SLC36A1: variants seen among roughly 807,000 people sequenced by gnomAD.
The protein encoded by SLC36A1 is solute carrier family 36 member 1.
SLC36A1 carries 30 observed loss-of-function variants against 47.5 expected under a neutral mutation model. That is an observed-to-expected ratio of 0.63 (90% CI 0.47 to 0.86). The LOEUF (loss-of-function observed/expected upper bound fraction) is 0.86, where lower values mean the gene tolerates loss of function less well. Ranked by LOEUF, SLC36A1 falls within the 40% of genes least tolerant of loss-of-function variation. The probability of loss-of-function intolerance (pLI) is 0.00; values close to 1 mark genes in which losing one functional copy is unlikely to be tolerated. For missense variants in SLC36A1, 517 were observed against 606.0 expected (o/e 0.85, Z 1.54); for synonymous variants, 255 against 249.7 (o/e 1.02, Z -0.20).
the SLC36A1 span, among the ~76,000 whole-genome samples, chr5:151,425,550 A>G: frequency 6.6e-6 from 1 of 152,174 alleles, no homozygotes; most frequent in African/African-American, 2.4e-5. Context: ...CAATGGATGG[A>G]TGGATGGGTA....
the SLC36A1 span, among the ~76,000 whole-genome samples, chr5:151,424,988 A>T: frequency 6.6e-6 from 1 of 152,212 alleles, no homozygotes; most frequent in Non-Finnish European, 1.5e-5. Context: ...TGTATAAAGG[A>T]TACCTCAACA....
the SLC36A1 span, among the ~76,000 whole-genome samples, chr5:151,508,445 C>A: frequency 2.0e-5 from 3 of 152,178 alleles, no homozygotes; most frequent in Non-Finnish European, 4.4e-5. Context: ...CGCAGTGGCT[C>A]ATGCCTGTAA....
the SLC36A1 span, among the ~76,000 whole-genome samples, chr5:151,533,671 C>G: frequency 2.0e-5 from 3 of 151,232 alleles, no homozygotes; most frequent in Non-Finnish European, 4.4e-5. Context: ...TTTTTTTTAC[C>G]CTATCTGAAT....
intron 1 of SLC36A1, among the ~76,000 whole-genome samples, chr5:151,457,060 G>T (rs146073104): frequency 6.6e-6 from 1 of 152,110 alleles, no homozygotes. Flanking sequence ...GCCAAGTGTC[G>T]GGAGGATTTT....
chr5:151,462,390 A>T (rs557634418), intron 2 of SLC36A1, among the ~76,000 whole-genome samples: 1 of 150,918 alleles, frequency 6.6e-6, no homozygotes, highest in African/African-American at 2.4e-5. Flanking sequence ...TTTTTGAGAC[A>T]GTCTTGCTCT....
At chr5:151,410,945 A>C in the SLC36A1 span, among the ~76,000 whole-genome samples, 2 of 144,584 alleles carry the variant, frequency 1.4e-5, no homozygotes, top group African/African-American at 5.0e-5. Flanking sequence ...GCAATTGCCA[A>C]ATGTCCACTG....
At chr5:151,521,872 A>G in the SLC36A1 span, 1 of 1,614,008 alleles carries the variant, frequency 6.2e-7, no homozygotes, top group South Asian at 1.1e-5. Context: ...GTGCCTGCCC[A>G]GGGTCTCCTC....
chr5:151,399,085 T>TATATATATATATATATATATA, the SLC36A1 span, among the ~76,000 whole-genome samples: 2 of 59,594 alleles, frequency 3.4e-5, no homozygotes, highest in African/African-American at 8.2e-5. Flanking sequence ...TATATATATA[T>TATATATATATATATATATATA]TTTTTTTTTT....
the SLC36A1 span, chr5:151,551,452 G>C: frequency 6.2e-7 from 1 of 1,613,284 alleles, no homozygotes; most frequent in Admixed American, 1.7e-5. Flanking sequence ...GGGGTCCCCA[G>C]CCGAGGCCTC....
At chr5:151,547,886 T>A in the SLC36A1 span, among the ~76,000 whole-genome samples, 11 of 152,190 alleles carry the variant, frequency 7.2e-5, no homozygotes, top group African/African-American at 2.7e-4. Flanking sequence ...ATGATGGTTA[T>A]GTGTTGTGTT....
At chr5:151,442,182 A>G (rs1447246777) in intron 1 of SLC36A1, among the ~76,000 whole-genome samples, 1 of 152,050 alleles carries the variant, frequency 6.6e-6, no homozygotes. Flanking sequence ...TTTTGTGTAT[A>G]TTTAGCATTT....
rs75962229 is a variant in SLC36A1, at chr5:151,448,772, A to G, written c.-6+959A>G. On this transcript the variant is annotated intron_variant, in intron 1 of 10. Coordinates refer to ENST00000243389, the MANE Select transcript of SLC36A1 (RefSeq NM_078483.4). ...AGAACAGAGATTGGGGAATCAGGATATTTTGTCCTAGCTCTGCCGCTTACC... is the reference window on the plus strand; with the variant it reads ...AGAACAGAGATTGGGGAATCAGGATGTTTTGTCCTAGCTCTGCCGCTTACC... Among the ~76,000 whole-genome samples, 918 of 152,238 alleles carry G rather than the reference A, an allele frequency of 6.0e-3. 17 individuals are homozygous for G. The highest frequency in any genetic ancestry group is 0.032 in the East Asian group (164 of 5,186).
At chr5:151,455,492 C>T (rs561214098) in intron 1 of SLC36A1, among the ~76,000 whole-genome samples, 44 of 152,114 alleles carry the variant, frequency 2.9e-4, no homozygotes, top group African/African-American at 1.1e-3. Flanking sequence ...AGTTTTTATA[C>T]ACAACATAAA....
intron 2 of SLC36A1, 125 bp downstream of exon 2, chr5:151,459,060 T>C: frequency 9.2e-7 from 1 of 1,085,220 alleles, no homozygotes; most frequent in Non-Finnish European, 1.3e-6. Context: ...AGTGAAGAGA[T>C]TGGGCGAGTG....
the SLC36A1 span, chr5:151,525,881 G>A: frequency 7.4e-6 from 12 of 1,614,150 alleles, no homozygotes; most frequent in Admixed American, 1.7e-5. Context: ...TTGGTGATTC[G>A]AAACGAGTAG....
chr5:151,380,720 T>C, the SLC36A1 span: 1 of 548,114 alleles, frequency 1.8e-6, no homozygotes, highest in South Asian at 1.4e-5. Context: ...TAGATGTCCA[T>C]CGACCTCATC....
the SLC36A1 span, among the ~76,000 whole-genome samples, chr5:151,384,965 G>GGT: frequency 3.0e-5 from 4 of 134,988 alleles, no homozygotes; most frequent in African/African-American, 9.8e-5. Flanking sequence ...TTTTAAGTGA[G>GGT]GTGTGTATGT....
chr5:151,544,189 T>A, the SLC36A1 span: 3 of 1,614,094 alleles, frequency 1.9e-6, no homozygotes, highest in South Asian at 2.2e-5. Context: ...TGAGCCATCC[T>A]CCACAATCTG....
At chr5:151,423,040 C>T in the SLC36A1 span, among the ~76,000 whole-genome samples, 2 of 152,224 alleles carry the variant, frequency 1.3e-5, no homozygotes, top group African/African-American at 2.4e-5. Flanking sequence ...AGATGCTCCA[C>T]ATCATATGTC....
Sources: allele counts gnomAD v4.1 joint callset (sites outside exome capture counted in the v4.1 genomes callset), GRCh38; gene constraint gnomAD v4.1.1; transcripts MANE v1.5; gene names NCBI Gene and HGNC (gene_info 2026-07-23, HGNC 2026-07-21).